The following ANKDD1B variants were observed in gnomAD, a reference collection of about 807,000 sequenced individuals.
The protein encoded by ANKDD1B is ankyrin repeat and death domain containing 1B, also known as ankyrin repeat and death domain-containing protein 1B.
Under a neutral mutation model 59.7 loss-of-function variants are expected in ANKDD1B, and 57 were observed. That is an observed-to-expected ratio of 0.95 (90% CI 0.77 to 1.19). The LOEUF (loss-of-function observed/expected upper bound fraction) is 1.19, where lower values mean the gene tolerates loss of function less well. Ranked by LOEUF, ANKDD1B falls within the 50% of genes most tolerant of loss-of-function variation. The pLI is 0.00. For missense variants in ANKDD1B, 602 were observed against 641.9 expected (o/e 0.94, Z 0.67); for synonymous variants, 216 against 239.5 (o/e 0.90, Z 0.91).
intron 2 of ANKDD1B, among the ~76,000 whole-genome samples, chr5:75,617,517 C>T (rs893164884): frequency 3.9e-5 from 6 of 152,064 alleles, no homozygotes; most frequent in Non-Finnish European, 8.8e-5. Flanking sequence ...GTGAGGATTT[C>T]CTGATAGTCC....
chr5:75,654,929 C>G (rs114339109), intron 8 of ANKDD1B, among the ~76,000 whole-genome samples: 4,939 of 152,286 alleles, frequency 0.032, 260 homozygotes, highest in African/African-American at 0.11. Context: ...CCCTGTCCAC[C>G]TTCCCCTGGT....
At chr5:75,654,195 C>T (rs1422482569) in intron 8 of ANKDD1B, among the ~76,000 whole-genome samples, 1 of 152,168 alleles carries the variant, frequency 6.6e-6, no homozygotes, top group Non-Finnish European at 1.5e-5. Context: ...CCCTCGTCTC[C>T]CCTCCCTCCA....
Position 75,666,991 on chromosome 5 carries a change from C to T in ANKDD1B, c.1391C>T (p.Ser464Leu), listed in dbSNP as rs895953588. 34 of 1,468,142 alleles carry T rather than the reference C, an allele frequency of 2.3e-5. No individual in the cohort carries two copies. Among genetic ancestry groups the T allele is most frequent in the East Asian group, 7.4e-5 (3 of 40,500 alleles). 90.9% of individuals were successfully genotyped at this position (1,468,142 alleles called of 1,614,324 possible). A position where few individuals can be genotyped will look rare whatever the true frequency, so the allele number is the denominator to read the frequency against. ...ATTAGAGCCATTGAGGAGCAGTGGT[C>T]GGGTGAGTACAGACTAGATGATGTG... The part of the protein sequence containing the change: ...DQIRAIEEQW[S>L]GNESFREHGH... Residue 464 changes from serine (S) to leucine (L), a missense_variant and splice_region_variant, in exon 12 of 14, where the codon TCG (serine) becomes TTG (leucine). Physicochemically the swap from Ser to Leu is moderately radical, Grantham distance 145 (BLOSUM62 -2). Transcript: ENST00000601380.
At chr5:75,625,827 T>TC in intron 4 of ANKDD1B, 24 bp from the exon 5 acceptor site, 6 of 1,531,666 alleles carry the variant, frequency 3.9e-6, no homozygotes, top group Non-Finnish European at 4.4e-6. Context: ...ACTGTCTATC[T>TC]CCCCCACCCC....
At chr5:75,645,027 A>G (rs1465241413) in intron 7 of ANKDD1B, among the ~76,000 whole-genome samples, 1 of 134,704 alleles carries the variant, frequency 7.4e-6, no homozygotes, top group East Asian at 2.0e-4. Context: ...GAAGGCAGAA[A>G]TAAAGATGTT....
chr5:75,620,223 T>C (rs1773811085), intron 2 of ANKDD1B, 92 bp from the exon 3 acceptor site: 3 of 608,390 alleles, frequency 4.9e-6, no homozygotes, highest in African/African-American at 1.8e-5. Context: ...ATAGAAACAC[T>C]TGATAGAAAA....
At chr5:75,617,502 C>A (rs1403388038) in intron 2 of ANKDD1B, among the ~76,000 whole-genome samples, 3 of 152,074 alleles carry the variant, frequency 2.0e-5, no homozygotes, top group Non-Finnish European at 4.4e-5. Flanking sequence ...TTACTGCTTG[C>A]TTTTGTGAGG....
intron 5 of ANKDD1B, among the ~76,000 whole-genome samples, chr5:75,631,363 C>G (rs1031597793): frequency 6.6e-6 from 1 of 152,160 alleles, no homozygotes; most frequent in Non-Finnish European, 1.5e-5. Context: ...TACTAAGCAG[C>G]ATAGATTGTG....
chr5:75,623,547 T>C (rs1191827137), intron 3 of ANKDD1B, among the ~76,000 whole-genome samples: 1 of 152,188 alleles, frequency 6.6e-6, no homozygotes. Context: ...GTCTTCTTCA[T>C]GCTGGAATTG....
intron 5 of ANKDD1B, among the ~76,000 whole-genome samples, chr5:75,632,027 A>T (rs964972476): frequency 1.1e-4 from 17 of 151,832 alleles, no homozygotes; most frequent in Non-Finnish European, 1.5e-4. Flanking sequence ...GACTTCCTTG[A>T]ACCCAGAAGG....
intron 3 of ANKDD1B, among the ~76,000 whole-genome samples, chr5:75,623,143 A>G (rs2112961418): frequency 6.6e-6 from 1 of 152,224 alleles, no homozygotes; most frequent in East Asian, 1.9e-4. Flanking sequence ...CAACGGCGCA[A>G]TCTTGGCTTG....
chr5:75,636,424 G>C (rs1455168708), intron 7 of ANKDD1B, among the ~76,000 whole-genome samples: 3 of 152,150 alleles, frequency 2.0e-5, no homozygotes, highest in Non-Finnish European at 4.4e-5. Context: ...AGCTCAGGGT[G>C]GCAGAAATTG....
chr5:75,649,491 A>G (rs773937696), intron 7 of ANKDD1B, among the ~76,000 whole-genome samples: 20 of 152,060 alleles, frequency 1.3e-4, no homozygotes, highest in African/African-American at 3.6e-4. Context: ...TATGTTTTAC[A>G]TTTTAACGGT....
At chr5:75,662,138 G>A (rs145709746) in intron 10 of ANKDD1B, among the ~76,000 whole-genome samples, 4 of 151,950 alleles carry the variant, frequency 2.6e-5, no homozygotes, top group African/African-American at 9.7e-5. Flanking sequence ...ATATTCCTTA[G>A]GAAGATTTTC....
At chr5:75,665,472 G>A (rs1309670723) in intron 11 of ANKDD1B, among the ~76,000 whole-genome samples, 3 of 152,140 alleles carry the variant, frequency 2.0e-5, no homozygotes, top group Non-Finnish European at 2.9e-5. Context: ...AAGTGAAGTG[G>A]CCCACAGCTC....
Position 75,611,713 on chromosome 5 carries a change from G to T in ANKDD1B, c.79G>T (p.Gly27Cys). 2 of 1,231,940 alleles carry T rather than the reference G, an allele frequency of 1.6e-6. No homozygotes were observed. The highest frequency in any genetic ancestry group is 1.5e-5 in the African/African-American group (1 of 64,542). The allele number at this position is 1,231,940 out of a possible 1,614,324, so 76.3% of individuals were successfully genotyped here. ...LLLRAAAAAK[G>C]LREDLWGAAA... ...GCTCCGGGCTGCTGCGGCCGCCAAG[G>T]GTCTCAGGGAAGACCTGTGGGGCGC... The change falls in exon 1 of 14, where the codon GGT becomes TGT. Residue 27 changes from glycine to cysteine, a missense_variant. Gly to Cys is a radical substitution (Grantham distance 159). Around this residue, in one of 3 missense-constraint regions of ANKDD1B, gnomAD observed 317 missense variants for 304.6 expected, o/e 1.04. Transcript: ENST00000601380.
At chr5:75,637,475 G>C (rs1056961186) in intron 7 of ANKDD1B, among the ~76,000 whole-genome samples, 5 of 151,898 alleles carry the variant, frequency 3.3e-5, no homozygotes, top group African/African-American at 1.2e-4. Context: ...TAAACTTGAT[G>C]CCTCTCCTGA....
intron 5 of ANKDD1B, among the ~76,000 whole-genome samples, chr5:75,626,237 C>T (rs1325012817): frequency 2.0e-5 from 3 of 152,152 alleles, no homozygotes; most frequent in Admixed American, 2.0e-4. Flanking sequence ...AGTATCCTAT[C>T]CCCTCTAGTA....
At chr5:75,620,496 T>C (rs529366864) in intron 3 of ANKDD1B, 83 bp downstream of exon 3, 9 of 723,384 alleles carry the variant, frequency 1.2e-5, no homozygotes, top group African/African-American at 7.1e-5. Context: ...CATCTTTTCT[T>C]CACATACACA....
Sources: allele counts gnomAD v4.1 joint callset (sites outside exome capture counted in the v4.1 genomes callset), GRCh38; gene constraint gnomAD v4.1.1; regional missense constraint gnomAD v4.1.1; transcripts MANE v1.5; gene names NCBI Gene and HGNC (gene_info 2026-07-23, HGNC 2026-07-21).